The following TBC1D32 variants were observed in gnomAD, a reference collection of about 807,000 sequenced individuals.
TBC1D32 encodes TBC1 domain family member 32.
In TBC1D32, 151 loss-of-function variants were observed where a neutral mutation model predicts 170.3. The observed-to-expected ratio is 0.89, with a 90% CI of 0.78 to 1.01. The LOEUF is 1.01. Among genes scored for constraint, TBC1D32 ranks in the 50% least tolerant of loss-of-function variants. The pLI, the probability that TBC1D32 is intolerant of heterozygous loss-of-function variation, is 0.00. For synonymous variants in TBC1D32, 498 were observed against 488.0 expected, an observed-to-expected ratio of 1.02 and a Z score of -0.27; for missense variants, 1,464 against 1,457.1, an observed-to-expected ratio of 1.00 and a Z score of -0.08.
intron 24 of TBC1D32, among the ~76,000 whole-genome samples, chr6:121,132,062 C>T (rs770345108): frequency 3.3e-5 from 5 of 151,868 alleles, no homozygotes; most frequent in East Asian, 1.9e-4. Flanking sequence ...TAATAGACAG[C>T]GTGAACCTTA....
intron 24 of TBC1D32, among the ~76,000 whole-genome samples, chr6:121,157,807 C>T (rs1360799711): frequency 1.3e-5 from 2 of 152,042 alleles, no homozygotes; most frequent in African/African-American, 4.8e-5. Flanking sequence ...AATTTCTTTA[C>T]CTTAAAAATG....
intron 15 of TBC1D32, among the ~76,000 whole-genome samples, chr6:121,272,126 A>C (rs1157083893): frequency 6.6e-6 from 1 of 152,206 alleles, no homozygotes; most frequent in Non-Finnish European, 1.5e-5. Context: ...TTAAAGACTT[A>C]AATGTTAGAC....
intron 12 of TBC1D32, among the ~76,000 whole-genome samples, chr6:121,284,162 C>G (rs75844802): frequency 6.6e-6 from 1 of 152,040 alleles, no homozygotes; most frequent in Admixed American, 6.6e-5. Flanking sequence ...GAACCAATCA[C>G]TTAAGATAAA....
intron 4 of TBC1D32, 76 bp from the exon 5 acceptor site, chr6:121,308,177 A>T: frequency 2.2e-6 from 3 of 1,368,580 alleles, no homozygotes; most frequent in Non-Finnish European, 3.1e-6. Flanking sequence ...AATATTTAAC[A>T]AACTACTAAA....
intron 24 of TBC1D32, among the ~76,000 whole-genome samples, chr6:121,140,306 T>TAA (rs140914487): frequency 7.4e-5 from 11 of 148,408 alleles, no homozygotes; most frequent in Admixed American, 7.4e-4. Context: ...TAATTTGTAG[T>TAA]AAAAAAAATT....
chr6:121,100,799 C>G (rs1303432368), intron 30 of TBC1D32, among the ~76,000 whole-genome samples: 1 of 151,962 alleles, frequency 6.6e-6, no homozygotes, highest in Non-Finnish European at 1.5e-5. Flanking sequence ...AATCCAGGAG[C>G]TGTTTTTTTG....
At chr6:121,286,227 T>C (rs963666238) in intron 12 of TBC1D32, among the ~76,000 whole-genome samples, 2 of 151,838 alleles carry the variant, frequency 1.3e-5, no homozygotes, top group African/African-American at 4.8e-5. Context: ...GGCAAAGAAG[T>C]TGAAAACCTT....
chr6:121,230,461 T>C lies in TBC1D32; in HGVS notation c.2365-7109A>G, dbSNP rs559368097. The stretch of plus-strand genomic sequence containing the variant: ...ATTTGCCTACCACCTAAAATGTAAT[T>C]TCATTTTGTTTCTAATTATAGTTCA... On this transcript the variant is annotated intron_variant, in intron 20 of 31. Transcript: ENST00000398212. 2.0e-5 allele frequency among the ~76,000 whole-genome samples: 3 copies of C among 152,246 alleles called. No individual in the cohort carries two copies. The South Asian group carries it at 6.2e-4, about 32-fold the overall frequency.
Position 121,283,837 on chromosome 6 carries a change from C to A in TBC1D32, c.1446G>T (p.Met482Ile), listed in dbSNP as rs1418377476. The change falls in exon 13 of 32, where the codon ATG (methionine) becomes ATT (isoleucine). Residue 482 changes from methionine to isoleucine, a missense_variant. By Grantham distance (10) the Met-to-Ile change is conservative (BLOSUM62 1). This residue lies in a region of TBC1D32 where 1,363 missense variants were observed against 1,338.1 expected (regional missense o/e 1.02). Transcript: ENST00000398212. Reference sequence around the variant, plus strand: ...AATTACCTGAATGGGCAGCTGATGTCATCTTTGGACAACTTGGTGAGTAAT... The same window carrying A: ...AATTACCTGAATGGGCAGCTGATGTAATCTTTGGACAACTTGGTGAGTAAT... ...LIYYSPSCPK[M>I]TSAAHSENYS... 6.2e-7 allele frequency: 1 copy of A among 1,609,358 alleles called. No homozygotes were observed. Among genetic ancestry groups the A allele is most frequent in the East Asian group, 2.2e-5 (1 of 44,704 alleles).
intron 10 of TBC1D32, among the ~76,000 whole-genome samples, chr6:121,294,958 CTG>C (rs1805400475): frequency 6.6e-6 from 1 of 152,142 alleles, no homozygotes; most frequent in Non-Finnish European, 1.5e-5. Flanking sequence ...CGCAAAAACT[CTG>C]TGGCCATTGC....
chr6:121,094,792 T>C (rs973687577), intron 30 of TBC1D32, among the ~76,000 whole-genome samples: 3 of 152,116 alleles, frequency 2.0e-5, no homozygotes, highest in African/African-American at 7.2e-5. Flanking sequence ...TCAAGCCCCA[T>C]TCATGGACAT....
intron 24 of TBC1D32, chr6:121,139,686 A>G (rs1782559252): frequency 6.6e-6 from 1 of 151,852 alleles, no homozygotes; most frequent in Admixed American, 6.6e-5. Flanking sequence ...CTTTTAATGC[A>G]AAAAAAACCT....
At chr6:121,193,968 TAA>T (rs1790394837) in intron 22 of TBC1D32, among the ~76,000 whole-genome samples, 1 of 152,022 alleles carries the variant, frequency 6.6e-6, no homozygotes, top group Non-Finnish European at 1.5e-5. Context: ...CATCCTTCCC[TAA>T]AGAGACCTTC....
chr6:121,196,375 G>A (rs1461780108), intron 22 of TBC1D32, among the ~76,000 whole-genome samples: 1 of 152,174 alleles, frequency 6.6e-6, no homozygotes, highest in Non-Finnish European at 1.5e-5. Flanking sequence ...TCCTTGATAT[G>A]GCACCGTTCC....
chr6:121,110,458 G>A (rs1453734754), intron 29 of TBC1D32, among the ~76,000 whole-genome samples: 1 of 151,822 alleles, frequency 6.6e-6, no homozygotes, highest in African/African-American at 2.4e-5. Context: ...TAAAAAAATA[G>A]GACAGGGTAA....
chr6:121,325,581 C>T (rs1810349746), intron 1 of TBC1D32, among the ~76,000 whole-genome samples: 1 of 152,158 alleles, frequency 6.6e-6, no homozygotes, highest in South Asian at 2.1e-4. Context: ...ACGCAGAAAG[C>T]TGAAACTGGA....
intron 15 of TBC1D32, among the ~76,000 whole-genome samples, chr6:121,273,638 TAA>T (rs35856036): frequency 1.4e-5 from 2 of 140,696 alleles, no homozygotes; most frequent in Admixed American, 7.1e-5. Context: ...AAGTATAATT[TAA>T]AAAAAAAAAA....
At chr6:121,111,126 T>A (rs1288381586) in intron 29 of TBC1D32, among the ~76,000 whole-genome samples, 1 of 152,182 alleles carries the variant, frequency 6.6e-6, no homozygotes, top group Non-Finnish European at 1.5e-5. Flanking sequence ...AAATGGTAAG[T>A]CAAATAAAAT....
At chr6:121,232,903 T>G (rs1291810725) in intron 20 of TBC1D32, among the ~76,000 whole-genome samples, 4 of 152,070 alleles carry the variant, frequency 2.6e-5, no homozygotes, top group African/African-American at 9.7e-5. Context: ...ATCTAGAGGT[T>G]TTGTCACTAT....
Sources: gnomAD v4.1 joint callset for allele counts (sites outside exome capture counted in the v4.1 genomes callset) on GRCh38, gnomAD v4.1.1 for gene constraint, gnomAD v4.1.1 regional missense constraint, MANE v1.5 for transcripts, NCBI Gene and HGNC (gene_info 2026-07-23, HGNC 2026-07-21) for gene names.